Variants in BMPR1B observed in about 807,000 individuals in gnomAD.
The protein encoded by BMPR1B is bone morphogenetic protein receptor type-1B.
A neutral mutation model predicts 59.1 loss-of-function variants in BMPR1B; 12 were observed. The observed-to-expected ratio is 0.20, with a 90% CI of 0.13 to 0.33. The LOEUF (loss-of-function observed/expected upper bound fraction) is 0.33, where lower values mean the gene tolerates loss of function less well. Ranked by LOEUF, BMPR1B falls within the 10% of genes least tolerant of loss-of-function variation. The pLI is 1.00. For missense variants in BMPR1B, 550 were observed against 610.9 expected, an observed-to-expected ratio of 0.90 and a Z score of 1.05; for synonymous variants, 237 against 207.3, an observed-to-expected ratio of 1.14 and a Z score of -1.23.
chr4:95,083,037 C>T (rs372505917), intron 3 of BMPR1B, among the ~76,000 whole-genome samples: 1 of 60,642 alleles, frequency 1.6e-5, no homozygotes, highest in East Asian at 5.7e-4. Flanking sequence ...TACTCTGTCT[C>T]AAAAAAAAAA....
In BMPR1B at chr4:95,132,427, A is replaced by G. The variant is rs570591901; in HGVS notation, c.1076+915A>G. ...GACTGATTGATTGGTATTTTCGGCC[A>G]GAACTGAAGGCTGAGGTGTGATTTA... On this transcript the variant is annotated intron_variant, in intron 10 of 12. Coordinates refer to ENST00000515059, the MANE Select transcript of BMPR1B (RefSeq NM_001203.3). 2.4e-4 allele frequency among the ~76,000 whole-genome samples: 36 copies of G among 152,318 alleles called. 1 individual carries two copies. In the South Asian group the frequency reaches 7.5e-3, roughly 32 times the overall value.
At chr4:95,126,630 T>G (rs1158223300) in intron 8 of BMPR1B, among the ~76,000 whole-genome samples, 2 of 152,152 alleles carry the variant, frequency 1.3e-5, no homozygotes, top group Non-Finnish European at 2.9e-5. Context: ...GCTCTTAACA[T>G]TAGTGAGATG....
At chr4:94,841,494 C>T (rs546299356) in intron 1 of BMPR1B, among the ~76,000 whole-genome samples, 3 of 152,182 alleles carry the variant, frequency 2.0e-5, no homozygotes, top group South Asian at 4.1e-4. Flanking sequence ...GTCGGAAAAG[C>T]GCAGTATTTG....
intron 2 of BMPR1B, among the ~76,000 whole-genome samples, chr4:94,970,285 TC>T (rs767521057): frequency 0.014 from 1,567 of 114,166 alleles, 20 homozygotes; most frequent in African/African-American, 0.018. Flanking sequence ...TCTTCTCTTC[TC>T]TTCTCTTCTC....
At chr4:94,985,165 T>C (rs557215794) in intron 2 of BMPR1B, among the ~76,000 whole-genome samples, 3 of 152,140 alleles carry the variant, frequency 2.0e-5, no homozygotes, top group East Asian at 1.9e-4. Context: ...TATTCTATGC[T>C]GAGAAGTTTG....
intron 4 of BMPR1B, among the ~76,000 whole-genome samples, chr4:95,111,045 A>C (rs1282581806): frequency 6.6e-6 from 1 of 152,200 alleles, no homozygotes; most frequent in Non-Finnish European, 1.5e-5. Context: ...ACCTAAAATC[A>C]GTTAACCTTT....
chr4:94,931,538 C>G (rs1357363607), intron 2 of BMPR1B, among the ~76,000 whole-genome samples: 5 of 152,018 alleles, frequency 3.3e-5, no homozygotes, highest in Non-Finnish European at 4.4e-5. Flanking sequence ...GCTCTGCAGC[C>G]TCTGCCTGCA....
intron 2 of BMPR1B, among the ~76,000 whole-genome samples, chr4:94,930,836 A>G (rs1003792420): frequency 7.2e-5 from 11 of 152,126 alleles, no homozygotes; most frequent in African/African-American, 2.4e-4. Context: ...GCATCCAACC[A>G]TGTTTCTTTG....
chr4:95,071,648 G>A (rs867802200), intron 3 of BMPR1B, among the ~76,000 whole-genome samples: 2,144 of 103,652 alleles, frequency 0.021, 77 homozygotes, highest in African/African-American at 0.083. Flanking sequence ...GTGTGTGTGT[G>A]TGTGTATATA....
chr4:94,896,028 T>G (rs1159070521), intron 2 of BMPR1B, among the ~76,000 whole-genome samples: 1 of 151,980 alleles, frequency 6.6e-6, no homozygotes, highest in Admixed American at 6.6e-5. Context: ...CTAGCAATCT[T>G]TTAGCAAGGA....
chr4:94,916,246 A>T (rs527300717), intron 2 of BMPR1B, among the ~76,000 whole-genome samples: 1 of 152,236 alleles, frequency 6.6e-6, no homozygotes, highest in Non-Finnish European at 1.5e-5. Context: ...GAACTGGGTA[A>T]GGGGCAGAGG....
intron 3 of BMPR1B, among the ~76,000 whole-genome samples, chr4:95,032,760 T>G (rs757139358): frequency 5.9e-5 from 9 of 152,190 alleles, no homozygotes; most frequent in African/African-American, 7.2e-5. Context: ...TTCATTTATC[T>G]TTTCATCCAT....
intron 2 of BMPR1B, among the ~76,000 whole-genome samples, chr4:94,894,061 A>G (rs774388762): frequency 8.5e-5 from 13 of 152,074 alleles, no homozygotes; most frequent in Admixed American, 2.0e-4. Flanking sequence ...AAGGGATCAC[A>G]TATATCTCAT....
At chr4:94,978,601 TTGG>T (rs1731115989) in intron 2 of BMPR1B, among the ~76,000 whole-genome samples, 3 of 152,222 alleles carry the variant, frequency 2.0e-5, no homozygotes, top group African/African-American at 7.2e-5. Flanking sequence ...CAAACATTTA[TTGG>T]TGGTACGAGC....
chr4:94,866,516 G>C (rs1181656551), intron 1 of BMPR1B, among the ~76,000 whole-genome samples: 2 of 151,900 alleles, frequency 1.3e-5, no homozygotes, highest in Non-Finnish European at 2.9e-5. Flanking sequence ...GCCTCTACCT[G>C]CTGCTGTAAC....
chr4:95,151,325 A>T (rs1735026666), intron 11 of BMPR1B, among the ~76,000 whole-genome samples: 1 of 152,288 alleles, frequency 6.6e-6, no homozygotes, highest in African/African-American at 2.4e-5. Context: ...CACCCCATCC[A>T]TCAGTCCATC....
Position 95,005,087 on chromosome 4 carries a change from C to T in BMPR1B, c.-18+8953C>T, listed in dbSNP as rs377198628. Among the ~76,000 whole-genome samples, 60 of 152,118 alleles carry T rather than the reference C, an allele frequency of 3.9e-4. 1 individual carries two copies. The highest frequency in any genetic ancestry group is 1.4e-3 in the African/African-American group (58 of 41,502). ...GAGTTTAAAATATGTCTCCTGAAAC[C>T]ATGTGTTCTTAACTTGGGGAGCTGG... is the stretch of plus-strand genomic sequence containing the variant. On this transcript the variant is annotated intron_variant, in intron 3 of 12. Transcript: ENST00000515059.
At chr4:94,779,848 A>C (rs1008341790) in intron 1 of BMPR1B, among the ~76,000 whole-genome samples, 2 of 152,122 alleles carry the variant, frequency 1.3e-5, no homozygotes, top group African/African-American at 4.8e-5. Flanking sequence ...CATTAGAAAA[A>C]AAAAAGGATG....
chr4:95,057,108 G>A (rs1397359455), intron 3 of BMPR1B, among the ~76,000 whole-genome samples: 1 of 152,196 alleles, frequency 6.6e-6, no homozygotes, highest in Admixed American at 6.5e-5. Context: ...TGTCTTGAGT[G>A]TATAGCACAG....
Sources: allele counts gnomAD v4.1 joint callset (sites outside exome capture counted in the v4.1 genomes callset), GRCh38; gene constraint gnomAD v4.1.1; transcripts MANE v1.5; gene names NCBI Gene and HGNC (gene_info 2026-07-23, HGNC 2026-07-21).